The following RNF213 variants were observed in gnomAD, a reference collection of about 807,000 sequenced individuals.
The protein encoded by RNF213 is ring finger protein 213, also known as E3 ubiquitin-protein ligase RNF213.
A neutral mutation model predicts 514.4 loss-of-function variants in RNF213; 341 were observed. That is an observed-to-expected ratio of 0.66 (90% CI 0.61 to 0.73). RNF213 has a LOEUF of 0.73. Ranked by LOEUF, RNF213 falls within the 30% of genes least tolerant of loss-of-function variation. The probability of loss-of-function intolerance (pLI) is 0.00; values close to 1 mark genes in which losing one functional copy is unlikely to be tolerated. For missense variants in RNF213, 5,767 were observed against 6,615.6 expected (o/e 0.87, Z 4.45); for synonymous variants, 2,655 against 2,658.2 (o/e 1.00, Z 0.04).
intron 49 of RNF213, among the ~76,000 whole-genome samples, 159 bp downstream of exon 49, chr17:80,373,324 C>T (rs187809329): frequency 1.4e-4 from 21 of 145,492 alleles, no homozygotes; most frequent in Non-Finnish European, 2.7e-4. Context: ...CTCACCCTCA[C>T]ACCCCCACAC....
rs758454091 is a variant in RNF213, at chr17:80,339,825, T to C, written c.5458T>C (p.Cys1820Arg). The C allele has an allele frequency of 1.3e-6, 2 of 1,534,950 alleles. No homozygotes were observed. Among genetic ancestry groups the C allele is most frequent in the South Asian group, 1.2e-5 (1 of 84,006 alleles). Residue 1820 changes from cysteine to arginine, a missense_variant, in exon 26 of 68, where the codon TGT (cysteine) becomes CGT (arginine). By Grantham distance (180) the Cys-to-Arg change is radical. Around this residue, in one of 13 missense-constraint regions of RNF213, gnomAD observed 1,377 missense variants for 1,635.2 expected, o/e 0.84. Coordinates refer to ENST00000582970, the MANE Select transcript of RNF213 (RefSeq NM_001256071.3). ...GATGGGTGGGTCTCCCGTGGAGCGTTGTCTCCCGAGAGGTCTGCAGGTCGG... is the reference window on the plus strand; with the variant it reads ...GATGGGTGGGTCTCCCGTGGAGCGTCGTCTCCCGAGAGGTCTGCAGGTCGG... ...AGMGGSPVERCLPRGLQVGQP... is the reference protein window; with the variant it reads ...AGMGGSPVERRLPRGLQVGQP...
chr17:80,382,117 C>T (rs541065668), intron 57 of RNF213: 8 of 250,846 alleles, frequency 3.2e-5, no homozygotes, highest in African/African-American at 1.1e-4. Flanking sequence ...ACAGAGCGTG[C>T]GTGTCAAAGG....
intron 56 of RNF213, chr17:80,381,247 G>A (rs2079988869): frequency 6.7e-6 from 4 of 600,534 alleles, no homozygotes; most frequent in Non-Finnish European, 1.2e-5. Flanking sequence ...GAGTAGAGAG[G>A]CTGACATCTT....
At chr17:80,383,618 C>G in intron 58 of RNF213, 59 bp from the exon 59 acceptor site, 1 of 1,591,258 alleles carries the variant, frequency 6.3e-7, no homozygotes. Flanking sequence ...CTGGGTGTTA[C>G]AATCTGTTTG....
intron 54 of RNF213, among the ~76,000 whole-genome samples, chr17:80,379,008 T>C (rs2079873611): frequency 6.6e-6 from 1 of 152,028 alleles, no homozygotes; most frequent in African/African-American, 2.4e-5. Context: ...ACCCCGTCTC[T>C]ACAAAAAAAC....
At chr17:80,390,965 G>A (rs1423702716) in intron 67 of RNF213, among the ~76,000 whole-genome samples, 1 of 152,112 alleles carries the variant, frequency 6.6e-6, no homozygotes, top group Non-Finnish European at 1.5e-5. Context: ...AGGAGGCTGA[G>A]GCAGGAGAAT....
chr17:80,371,059 T>C (rs923085915), intron 46 of RNF213, among the ~76,000 whole-genome samples: 7 of 152,190 alleles, frequency 4.6e-5, no homozygotes, highest in Non-Finnish European at 1.5e-5. Flanking sequence ...TTACAAGACC[T>C]GCACAGCCCA....
At position 80,345,913 on chromosome 17, in the gene RNF213, A is replaced by C; in HGVS notation, c.7578A>C (p.Pro2526=). ...SGLHIIAACN[P]YRKHSEEMIC... ...TGCATATTATAGCTGCCTGCAATCCATACCGGAAGCACTCTGAGGAGATGA... is the reference window on the plus strand; with the variant it reads ...TGCATATTATAGCTGCCTGCAATCCCTACCGGAAGCACTCTGAGGAGATGA... Residue 2526 remains proline, a synonymous_variant, in exon 29 of 68, where the codon CCA becomes CCC. Coordinates refer to ENST00000582970, the MANE Select transcript of RNF213 (RefSeq NM_001256071.3). The surrounding 1 kb of genome is among the most constrained non-coding windows in gnomAD (Gnocchi z 6.0). 1 of 1,614,234 alleles carries C rather than the reference A, an allele frequency of 6.2e-7. No individual in the cohort carries two copies. The highest frequency in any genetic ancestry group is 8.5e-7 in the Non-Finnish European group (1 of 1,180,050).
At chr17:80,261,509 A>G (rs1433351392) in intron 1 of RNF213, among the ~76,000 whole-genome samples, 1 of 151,970 alleles carries the variant, frequency 6.6e-6, no homozygotes, top group African/African-American at 2.4e-5. Context: ...CCAGGGCGGG[A>G]GGGGAAGGAG....
In RNF213 at chr17:80,294,863, A is replaced by C; in HGVS notation, c.1615A>C (p.Ser539Arg). 1 of 1,614,234 alleles carries C rather than the reference A, an allele frequency of 6.2e-7. No homozygotes were observed. Residue 539 changes from serine (S) to arginine (R), a missense_variant, in exon 9 of 68, where the codon AGC (serine) becomes CGC (arginine). Around this residue, in one of 13 missense-constraint regions of RNF213, gnomAD observed 592 missense variants for 673.9 expected, o/e 0.88. Coordinates refer to ENST00000582970, the MANE Select transcript of RNF213 (RefSeq NM_001256071.3). Reference protein sequence around the residue: ...AAALMLDSTFSILQTWDTINL... With the variant: ...AAALMLDSTFRILQTWDTINL... ...TGCGCTCATGCTGGACAGCACCTTC[A>C]GCATCCTGCAGACCTGGGACACCAT...
intron 2 of RNF213, among the ~76,000 whole-genome samples, chr17:80,266,278 C>CAA (rs893946823): frequency 2.1e-5 from 2 of 93,432 alleles, no homozygotes; most frequent in Non-Finnish European, 4.3e-5. Context: ...CCCATCTCTA[C>CAA]AAAAAAAAAA....
intron 3 of RNF213, among the ~76,000 whole-genome samples, chr17:80,278,318 G>C (rs573629946): frequency 2.6e-5 from 4 of 152,354 alleles, no homozygotes; most frequent in Admixed American, 6.5e-5. Context: ...GCCTCTAGGG[G>C]CTTGGGAGGC....
intron 41 of RNF213, 66 bp from the exon 42 acceptor site, chr17:80,364,367 T>C: frequency 1.2e-6 from 2 of 1,611,536 alleles, no homozygotes; most frequent in Non-Finnish European, 1.7e-6. Flanking sequence ...GTCTCCCTCC[T>C]CGTTTCACCC....
In RNF213 at chr17:80,348,064, G is replaced by A. The variant is rs1356758267; in HGVS notation, c.9729G>A (p.Thr3243=). 5.6e-6 allele frequency: 9 copies of A among 1,614,146 alleles called. No homozygotes were observed. The highest frequency in any genetic ancestry group is 2.2e-5 in the South Asian group (2 of 91,086). The change falls in exon 29 of 68, where the codon ACG becomes ACA. Residue 3243 remains threonine (T), a synonymous_variant. Transcript: ENST00000582970. ...AGAGGCAGGGTCCCCGGGCCTTGAC[G>A]GAGGAACTTCACCAGAAGGTGTCTG... The part of the protein sequence containing the change: ...VIERQGPRAL[T]EELHQKVSEE...
intron 15 of RNF213, among the ~76,000 whole-genome samples, chr17:80,313,773 G>GAGGTGATGGTGGTGGTGA (rs1452682054): frequency 6.8e-6 from 1 of 147,470 alleles, no homozygotes; most frequent in Admixed American, 6.7e-5. Flanking sequence ...GGAGGTACTG[G>GAGGTGATGGTGGTGGTGA]AGGTGATGGT....
At chr17:80,361,567 G>C (rs949131053) in intron 38 of RNF213, among the ~76,000 whole-genome samples, 167 bp from the exon 39 acceptor site, 1 of 152,182 alleles carries the variant, frequency 6.6e-6, no homozygotes, top group African/African-American at 2.4e-5. Context: ...TCTAGACAGT[G>C]ACTATTCCTT....
intron 11 of RNF213, 84 bp from the exon 12 acceptor site, chr17:80,306,168 C>A: frequency 7.6e-7 from 1 of 1,315,896 alleles, no homozygotes; most frequent in Non-Finnish European, 1.1e-6. Flanking sequence ...GGGACTGTTT[C>A]TGTCCCTCCA....
At chr17:80,270,388 T>G (rs1461261616) in intron 2 of RNF213, among the ~76,000 whole-genome samples, 1 of 152,244 alleles carries the variant, frequency 6.6e-6, no homozygotes, top group Non-Finnish European at 1.5e-5. Context: ...GCCACTAGCC[T>G]GCTGGCTTCA....
intron 14 of RNF213, among the ~76,000 whole-genome samples, chr17:80,311,038 A>G (rs866957425): frequency 5.9e-5 from 9 of 152,254 alleles, no homozygotes; most frequent in African/African-American, 2.2e-4. Context: ...AAACCGCCAC[A>G]GGCAGCTGCC....
Sources: allele counts gnomAD v4.1 joint callset (sites outside exome capture counted in the v4.1 genomes callset), GRCh38; gene constraint gnomAD v4.1.1; regional missense constraint gnomAD v4.1.1; non-coding constraint Gnocchi (gnomAD v3.1); transcripts MANE v1.5; gene names NCBI Gene and HGNC (gene_info 2026-07-23, HGNC 2026-07-21).